SLC35F1: variants seen among roughly 807,000 people sequenced by gnomAD.
The protein encoded by SLC35F1 is solute carrier family 35 member F1.
In SLC35F1, 14 loss-of-function variants were observed where a neutral mutation model predicts 48.7. The observed-to-expected ratio is 0.29, with a 90% CI of 0.19 to 0.45. The LOEUF (loss-of-function observed/expected upper bound fraction) is 0.45. Ranked by LOEUF, SLC35F1 falls within the 20% of genes least tolerant of loss-of-function variation. The probability of loss-of-function intolerance (pLI) is 1.00; values close to 1 mark genes in which losing one functional copy is unlikely to be tolerated. For missense variants in SLC35F1, 404 were observed against 500.0 expected (o/e 0.81, Z 1.83); for synonymous variants, 190 against 202.2 (o/e 0.94, Z 0.51).
chr6:118,217,630 G>A (rs924370706), intron 2 of SLC35F1, among the ~76,000 whole-genome samples: 1 of 152,092 alleles, frequency 6.6e-6, no homozygotes, highest in African/African-American at 2.4e-5. Flanking sequence ...ATGTTACGCT[G>A]TGTATATTTT....
At chr6:118,285,596 G>C (rs1776039470) in intron 7 of SLC35F1, among the ~76,000 whole-genome samples, 1 of 152,120 alleles carries the variant, frequency 6.6e-6, no homozygotes, top group Non-Finnish European at 1.5e-5. Flanking sequence ...TGAATACTGG[G>C]GACAGCTTTC....
At chr6:118,237,278 A>C (rs879576114) in intron 3 of SLC35F1, among the ~76,000 whole-genome samples, 6 of 151,924 alleles carry the variant, frequency 3.9e-5, no homozygotes, top group Non-Finnish European at 7.4e-5. Flanking sequence ...GGACTCCCCC[A>C]GTTACATTTT....
At chr6:118,215,231 C>T (rs1020791931) in intron 2 of SLC35F1, among the ~76,000 whole-genome samples, 1 of 151,990 alleles carries the variant, frequency 6.6e-6, no homozygotes, top group Non-Finnish European at 1.5e-5. Flanking sequence ...CTATATTTGG[C>T]CAGACCGCAA....
intron 1 of SLC35F1, among the ~76,000 whole-genome samples, chr6:118,076,942 G>A (rs976809826): frequency 4.6e-5 from 7 of 151,294 alleles, no homozygotes; most frequent in African/African-American, 1.7e-4. Context: ...GCCTATTTTT[G>A]TGCAACCGTA....
intron 1 of SLC35F1, among the ~76,000 whole-genome samples, chr6:117,918,879 G>T (rs1376773262): frequency 6.6e-6 from 1 of 151,888 alleles, no homozygotes; most frequent in Non-Finnish European, 1.5e-5. Flanking sequence ...AGAGAAGAGG[G>T]AATTAAGATA....
At chr6:118,210,610 C>G (rs1774990195) in intron 2 of SLC35F1, among the ~76,000 whole-genome samples, 2 of 152,114 alleles carry the variant, frequency 1.3e-5, no homozygotes, top group African/African-American at 4.8e-5. Flanking sequence ...TCAGACAAGG[C>G]TTTTCTCTCC....
At chr6:118,025,558 T>C (rs933804490) in intron 1 of SLC35F1, among the ~76,000 whole-genome samples, 2 of 152,186 alleles carry the variant, frequency 1.3e-5, no homozygotes, top group Admixed American at 6.5e-5. Context: ...TGATGTTCCA[T>C]CTCCTTGAGG....
chr6:118,298,865 A>G (rs1438886706), intron 7 of SLC35F1, among the ~76,000 whole-genome samples: 1 of 152,120 alleles, frequency 6.6e-6, no homozygotes, highest in East Asian at 1.9e-4. Context: ...CTCTCCTCTG[A>G]CTTCTTTACT....
chr6:118,092,076 CG>C lies in SLC35F1; in HGVS notation c.174-62368del, dbSNP rs1456390708. Among the ~76,000 whole-genome samples, 10 of 152,234 alleles carry C rather than the reference CG, an allele frequency of 6.6e-5. 1 individual carries two copies. The highest frequency in any genetic ancestry group is 6.5e-4 in the Admixed American group (10 of 15,290). Reference sequence around the variant, plus strand: ...GACGATGCAGTAGAAAAGAAAAAACCGTTTTCTGAGGAGAAATTCAAGCTGG... The same window carrying C: ...GACGATGCAGTAGAAAAGAAAAAACCTTTTCTGAGGAGAAATTCAAGCTGG... On this transcript the variant is annotated intron_variant, in intron 1 of 7. Coordinates refer to ENST00000360388, the MANE Select transcript of SLC35F1 (RefSeq NM_001029858.4).
intron 1 of SLC35F1, among the ~76,000 whole-genome samples, chr6:117,989,109 A>T (rs1001152415): frequency 6.6e-6 from 1 of 152,180 alleles, no homozygotes; most frequent in African/African-American, 2.4e-5. Flanking sequence ...GTGACTTCTC[A>T]TAGGTCACCT....
At chr6:118,163,965 A>C (rs998032371) in intron 2 of SLC35F1, among the ~76,000 whole-genome samples, 8 of 152,262 alleles carry the variant, frequency 5.3e-5, no homozygotes, top group Non-Finnish European at 8.8e-5. Flanking sequence ...ATTTGCAGGA[A>C]AGAAAAAATG....
chr6:118,124,614 G>A (rs1267490360), intron 1 of SLC35F1, among the ~76,000 whole-genome samples: 1 of 152,114 alleles, frequency 6.6e-6, no homozygotes, highest in Admixed American at 6.6e-5. Context: ...GCCGGCCCAG[G>A]CTGACAAGAC....
intron 4 of SLC35F1, among the ~76,000 whole-genome samples, chr6:118,272,748 T>C (rs376693234): frequency 1.0e-4 from 10 of 95,770 alleles, no homozygotes; most frequent in African/African-American, 2.7e-4. Flanking sequence ...TATATATATA[T>C]ACATATATAT....
chr6:118,276,244 C>A (rs78743517), intron 5 of SLC35F1, among the ~76,000 whole-genome samples: 6,086 of 152,190 alleles, frequency 0.04, 423 homozygotes, highest in African/African-American at 0.14. Flanking sequence ...TTGTTATGAG[C>A]ATAAGTTTCA....
chr6:118,158,882 G>A (rs934370780), intron 2 of SLC35F1, among the ~76,000 whole-genome samples: 1 of 152,008 alleles, frequency 6.6e-6, no homozygotes, highest in Non-Finnish European at 1.5e-5. Flanking sequence ...CTTTATAGTT[G>A]GAACACCTCT....
At chr6:118,259,237 T>G (rs1164695898) in intron 3 of SLC35F1, among the ~76,000 whole-genome samples, 2 of 151,926 alleles carry the variant, frequency 1.3e-5, no homozygotes, top group Non-Finnish European at 2.9e-5. Flanking sequence ...AATGTACAAA[T>G]TGATAGGAGT....
At chr6:118,182,467 G>A (rs1346504030) in intron 2 of SLC35F1, among the ~76,000 whole-genome samples, 1 of 147,996 alleles carries the variant, frequency 6.8e-6, no homozygotes, top group Admixed American at 6.9e-5. Context: ...ACTCCAGCTT[G>A]GGCAACAGAG....
Position 117,999,126 on chromosome 6 carries a change from A to G in SLC35F1, c.173+91227A>G, listed in dbSNP as rs958029212. ...ATGCGCTTTGCCAAGAAGCACAACA[A>G]AAAGGGCCTAAAGAAGATGCAGGCC... On this transcript the variant is annotated intron_variant, in intron 1 of 7. Transcript: ENST00000360388. The G allele has an allele frequency of 8.8e-6, 14 of 1,590,310 alleles. No homozygotes were observed. The African/African-American group carries it at 1.2e-4, about 14-fold the overall frequency.
chr6:118,222,209 G>A (rs1005547346), intron 2 of SLC35F1, among the ~76,000 whole-genome samples: 10 of 152,140 alleles, frequency 6.6e-5, no homozygotes, highest in African/African-American at 2.2e-4. Flanking sequence ...ATTTTAAAAA[G>A]CTCTCAGTCT....
Sources: gnomAD v4.1 joint callset for allele counts (sites outside exome capture counted in the v4.1 genomes callset) on GRCh38, gnomAD v4.1.1 for gene constraint, MANE v1.5 for transcripts, NCBI Gene and HGNC (gene_info 2026-07-23, HGNC 2026-07-21) for gene names.